The following DMD variants were observed in gnomAD, a reference collection of about 807,000 sequenced individuals.
DMD encodes mutant dystrophin.
DMD carries 63 observed loss-of-function variants against 330.1 expected under a neutral mutation model. The ratio of observed to expected loss-of-function variants is 0.19; its 90% CI spans 0.16 to 0.24. DMD has a LOEUF of 0.24. Ranked by LOEUF, DMD falls within the 10% of genes least tolerant of loss-of-function variation. The pLI, the probability that DMD is intolerant of heterozygous loss-of-function variation, is 1.00. For missense variants in DMD, 3,344 were observed against 2,684.1 expected, an observed-to-expected ratio of 1.25 and a Z score of -5.43; for synonymous variants, 1,223 against 959.8, an observed-to-expected ratio of 1.27 and a Z score of -5.07.
intron 2 of DMD, among the ~76,000 whole-genome samples, chrX:32,910,699 C>A (rs867870293): frequency 1.8e-5 from 2 of 111,806 alleles, no homozygotes; most frequent in African/African-American, 3.3e-5. Context: ...CCTCGGCCCC[C>A]CAAAGTGCTG....
At chrX:32,244,026 A>G (rs1162275202) in intron 43 of DMD, among the ~76,000 whole-genome samples, 4 of 104,009 alleles carry the variant, frequency 3.8e-5, no homozygotes, top group Non-Finnish European at 7.9e-5. Context: ...ACATATGTAT[A>G]CATGTGCCAT....
intron 74 of DMD, among the ~76,000 whole-genome samples, chrX:31,158,308 A>G (rs1489461579): frequency 1.8e-5 from 2 of 112,284 alleles, no homozygotes; most frequent in Non-Finnish European, 3.8e-5. Flanking sequence ...TATAGATACC[A>G]TTTTAAAAGA....
chrX:33,008,878 A>ACG lies in DMD; in HGVS notation c.93+11260_93+11261insCG, dbSNP rs1343844998. Among the ~76,000 whole-genome samples the ACG allele has an allele frequency of 7.7e-4, 45 of 58,613 alleles. 3 individuals carry two copies. The highest frequency in any genetic ancestry group is 2.3e-3 in the African/African-American group (41 of 17,850). 50.9% of individuals were successfully genotyped at this position (58,613 alleles called of 115,157 possible). A position where few individuals can be genotyped will look rare whatever the true frequency, so the allele number is the denominator to read the frequency against. On this transcript the variant is annotated intron_variant, in intron 2 of 78. Coordinates refer to ENST00000357033, the MANE Select transcript of DMD (RefSeq NM_004006.3). The stretch of plus-strand genomic sequence containing the variant: ...CGTGTATATATACACATACTCATAT[A>ACG]TGTATATATACGTGTATATATACAC...
chrX:33,032,792 TG>T (rs763497845), intron 1 of DMD, among the ~76,000 whole-genome samples: 25 of 112,541 alleles, frequency 2.2e-4, no homozygotes, highest in Non-Finnish European at 1.9e-4. Flanking sequence ...GTACTGAGCC[TG>T]CTCATTTCCA....
chrX:33,300,337 A>G (rs927704775), intron 1 of DMD, among the ~76,000 whole-genome samples: 1 of 112,582 alleles, frequency 8.9e-6, no homozygotes, highest in Non-Finnish European at 1.9e-5. Context: ...AATGAAGAAC[A>G]TATAATTCCC....
At chrX:31,665,011 T>A (rs1261858201) in intron 53 of DMD, among the ~76,000 whole-genome samples, 10 of 111,502 alleles carry the variant, frequency 9.0e-5, no homozygotes, top group Non-Finnish European at 1.3e-4. Flanking sequence ...TTTGAGCAAT[T>A]CCATAATTGT....
chrX:32,353,100 A>T (rs1358268900), intron 37 of DMD, among the ~76,000 whole-genome samples: 1 of 111,053 alleles, frequency 9.0e-6, no homozygotes, highest in East Asian at 2.8e-4. Flanking sequence ...AGTTTATCAA[A>T]CCAATTGTTT....
At chrX:32,444,017 G>A (rs2098293262) in intron 27 of DMD, among the ~76,000 whole-genome samples, 1 of 110,297 alleles carries the variant, frequency 9.1e-6, no homozygotes, top group South Asian at 3.8e-4. Context: ...GGAAATGAAA[G>A]TAGAAAGTGG....
chrX:32,748,457 T>C (rs944529281), intron 7 of DMD, among the ~76,000 whole-genome samples: 2 of 111,691 alleles, frequency 1.8e-5, no homozygotes, highest in African/African-American at 6.5e-5. Flanking sequence ...AAAAGTTTAA[T>C]TTTCATTAAG....
At chrX:32,724,788 A>G (rs1178953458) in intron 7 of DMD, among the ~76,000 whole-genome samples, 2 of 112,180 alleles carry the variant, frequency 1.8e-5, no homozygotes, top group African/African-American at 6.5e-5. Flanking sequence ...TTACATCAGT[A>G]ATCTTTCAGC....
At chrX:31,689,207 T>C (rs1162247640) in intron 52 of DMD, among the ~76,000 whole-genome samples, 1 of 112,073 alleles carries the variant, frequency 8.9e-6, no homozygotes, top group Non-Finnish European at 1.9e-5. Flanking sequence ...CATGATTGTA[T>C]ATTTAGAAAA....
intron 2 of DMD, among the ~76,000 whole-genome samples, chrX:32,872,840 G>C (rs2083102207): frequency 9.0e-6 from 1 of 111,655 alleles, no homozygotes; most frequent in Non-Finnish European, 1.9e-5. Context: ...ATATGATCTA[G>C]TTTGTGTTTT....
intron 74 of DMD, among the ~76,000 whole-genome samples, chrX:31,157,637 G>A (rs1299869335): frequency 9.0e-6 from 1 of 110,958 alleles, no homozygotes; most frequent in African/African-American, 3.3e-5. Flanking sequence ...AGCTTTGTGT[G>A]TCCCGGCTTC....
chrX:33,075,160 T>C (rs1053283921), intron 1 of DMD, among the ~76,000 whole-genome samples: 5 of 111,926 alleles, frequency 4.5e-5, no homozygotes, highest in African/African-American at 1.6e-4. Context: ...TGTTCAGATA[T>C]ATTTCATGTC....
At chrX:31,172,898 T>C (rs971778590) in intron 72 of DMD, among the ~76,000 whole-genome samples, 2 of 112,050 alleles carry the variant, frequency 1.8e-5, no homozygotes, top group Admixed American at 9.5e-5. Flanking sequence ...CTGCCACCAA[T>C]TTTTACCTTT....
intron 30 of DMD, among the ~76,000 whole-genome samples, chrX:32,394,916 C>CAAAACAAAAAAAAAAAAAAAAAA (rs2098030291): frequency 2.6e-5 from 1 of 39,055 alleles, no homozygotes; most frequent in Non-Finnish European, 5.0e-5. Flanking sequence ...AACAAAAAAA[C>CAAAACAAAAAAAAAAAAAAAAAA]AAAAAAAAAA....
At chrX:31,951,845 C>G (rs2095184797) in intron 45 of DMD, among the ~76,000 whole-genome samples, 1 of 111,480 alleles carries the variant, frequency 9.0e-6, no homozygotes, top group Admixed American at 9.5e-5. Context: ...AATATCACTT[C>G]TTTTCAGCCT....
intron 9 of DMD, among the ~76,000 whole-genome samples, chrX:32,671,702 A>G (rs1271033952): frequency 3.6e-5 from 4 of 112,135 alleles, no homozygotes; most frequent in African/African-American, 1.3e-4. Context: ...ATCTAACCAG[A>G]TAAAGAGCTT....
intron 44 of DMD, among the ~76,000 whole-genome samples, chrX:32,199,057 T>C (rs760169347): frequency 7.6e-4 from 85 of 112,262 alleles, no homozygotes; most frequent in Admixed American, 2.0e-3. Context: ...TGTATACGTA[T>C]TGACGTGCTT....
Sources: allele counts gnomAD v4.1 joint callset (sites outside exome capture counted in the v4.1 genomes callset), GRCh38; gene constraint gnomAD v4.1.1; transcripts MANE v1.5; gene names NCBI Gene and HGNC (gene_info 2026-07-23, HGNC 2026-07-21).